The following ZFP1 variants were observed in gnomAD, a reference collection of about 807,000 sequenced individuals.
ZFP1 encodes the protein zinc finger protein 1 homolog.
A neutral mutation model predicts 38.5 loss-of-function variants in ZFP1; 32 were observed. That is an observed-to-expected ratio of 0.83 (90% CI 0.63 to 1.12). ZFP1 has a LOEUF of 1.12. Among genes scored for constraint, ZFP1 ranks in the 50% most tolerant of loss-of-function variants. The probability of loss-of-function intolerance (pLI) is 0.00; values close to 1 mark genes in which losing one functional copy is unlikely to be tolerated. For missense variants in ZFP1, 616 were observed against 480.8 expected (o/e 1.28, Z -2.63); for synonymous variants, 245 against 168.8 (o/e 1.45, Z -3.50).
At chr16:75,156,757 G>C (rs1245720945) in intron 2 of ZFP1, among the ~76,000 whole-genome samples, 1 of 152,198 alleles carries the variant, frequency 6.6e-6, no homozygotes, top group African/African-American at 2.4e-5. Flanking sequence ...CCACCACTCA[G>C]GAGTAGATTA....
At chr16:75,138,133 T>C in the ZFP1 span, among the ~76,000 whole-genome samples, 1 of 139,522 alleles carries the variant, frequency 7.2e-6, no homozygotes, top group African/African-American at 2.7e-5. Flanking sequence ...ACCTCCCGGG[T>C]TCAAGTGATT....
chr16:75,150,302 A>G (rs1333552705), intron 1 of ZFP1, among the ~76,000 whole-genome samples: 1 of 146,658 alleles, frequency 6.8e-6, no homozygotes, highest in African/African-American at 2.5e-5. Flanking sequence ...TCCGCCTACC[A>G]GGTTCACACC....
chr16:75,160,678 A>C (rs1279269761), intron 2 of ZFP1, among the ~76,000 whole-genome samples: 1 of 150,480 alleles, frequency 6.6e-6, no homozygotes, highest in African/African-American at 2.4e-5. Flanking sequence ...AAAAAAAAGG[A>C]AGAAATTTAT....
chr16:75,145,923 A>G (rs1186742291), upstream of ZFP1, among the ~76,000 whole-genome samples: 2 of 152,176 alleles, frequency 1.3e-5, no homozygotes, highest in African/African-American at 2.4e-5. Flanking sequence ...TTAGCTGTCC[A>G]TGGATGGCAA....
At chr16:75,130,119 C>T in the ZFP1 span, among the ~76,000 whole-genome samples, 4 of 152,016 alleles carry the variant, frequency 2.6e-5, no homozygotes, top group East Asian at 7.7e-4. Context: ...GCCTCAGCCT[C>T]TCCAGTAGCT....
Position 75,164,746 on chromosome 16 carries a change from A to G in ZFP1, c.16-2024A>G, listed in dbSNP as rs140332268. Among the ~76,000 whole-genome samples, 52 of 152,244 alleles carry G rather than the reference A, an allele frequency of 3.4e-4. No individual in the cohort carries two copies. In the East Asian group the frequency reaches 8.9e-3, roughly 26 times the overall value. ...GGTTGAGGGGGGGAATATCAAAAGA[A>G]TATTTTGTGCTGTGAAAATGATTTG... On this transcript the variant is annotated intron_variant, in intron 2 of 3. Transcript: ENST00000570010.
chr16:75,157,389 G>A (rs1291591528), intron 2 of ZFP1, among the ~76,000 whole-genome samples: 1 of 151,638 alleles, frequency 6.6e-6, no homozygotes, highest in African/African-American at 2.4e-5. Flanking sequence ...GATTACAGGT[G>A]TGTGCCACTA....
At chr16:75,129,018 G>A in the ZFP1 span, among the ~76,000 whole-genome samples, 4 of 152,240 alleles carry the variant, frequency 2.6e-5, no homozygotes, top group East Asian at 1.9e-4. Context: ...TCAAACTCCC[G>A]ACCTCAGGTG....
chr16:75,127,421 G>A, the ZFP1 span, among the ~76,000 whole-genome samples: 1 of 152,106 alleles, frequency 6.6e-6, no homozygotes, highest in Non-Finnish European at 1.5e-5. Flanking sequence ...GCATGAAGAG[G>A]GAAGCATGAG....
intron 2 of ZFP1, among the ~76,000 whole-genome samples, chr16:75,165,166 T>C (rs751152412): frequency 2.6e-5 from 4 of 152,078 alleles, no homozygotes; most frequent in Non-Finnish European, 4.4e-5. Flanking sequence ...TGCCTATGCC[T>C]GTTTTTGTGG....
Position 75,169,252 on chromosome 16 carries a change from G to A in ZFP1, c.143-1G>A, listed in dbSNP as rs376111231. ...CTTTTCATTGTGCTCTCTATTCCTA[G>A]AAGTGTGGAAGGCTGATGACCAGAT... On this transcript the variant is annotated splice_acceptor_variant, in intron 3 of 3. Transcript: ENST00000570010. LOFTEE classifies it high-confidence loss of function. 3.1e-6 allele frequency: 5 copies of A among 1,602,690 alleles called. No homozygotes were observed. The highest frequency in any genetic ancestry group is 4.2e-6 in the Non-Finnish European group (5 of 1,176,598).
upstream of ZFP1, among the ~76,000 whole-genome samples, chr16:75,147,485 C>T (rs1372314763): frequency 3.3e-5 from 5 of 149,626 alleles, no homozygotes; most frequent in African/African-American, 7.4e-5. Context: ...TGAGGTTTCA[C>T]CATTTTGGCC....
Position 75,169,838 on chromosome 16 carries a change from C to T in ZFP1, c.728C>T (p.Pro243Leu), listed in dbSNP as rs766288174. The change falls in exon 4 of 4, where the codon CCG (proline) becomes CTG (leucine). Residue 243 changes from proline (P) to leucine (L), a missense_variant. Pro to Leu is a moderately conservative substitution (Grantham distance 98, BLOSUM62 -3). Transcript: ENST00000570010. ...IHTGEKPFEC[P>L]ECGKAFTHQS... ...ACTGGGGAGAAACCTTTCGAGTGTCCGGAATGTGGAAAAGCTTTCACCCAC... is the reference window on the plus strand; with the variant it reads ...ACTGGGGAGAAACCTTTCGAGTGTCTGGAATGTGGAAAAGCTTTCACCCAC... 27 of 1,613,992 alleles carry T rather than the reference C, an allele frequency of 1.7e-5. No homozygotes were observed. Among genetic ancestry groups the T allele is most frequent in the African/African-American group, 1.3e-4 (10 of 74,982 alleles).
Position 75,169,296 on chromosome 16 carries a change from C to G in ZFP1, c.186C>G (p.Asn62Lys). Residue 62 changes from asparagine to lysine, a missense_variant, in exon 4 of 4, where the codon AAC becomes AAG. Asn to Lys is a moderately conservative substitution (Grantham distance 94, BLOSUM62 0). Transcript: ENST00000570010. ...ACCAGATGGAGAGAGACCACAGAAA[C>G]CCAGACGAGCAGGCGAGGCAATTTT... ...ADDQMERDHR[N>K]PDEQARQFLI... is the part of the protein sequence containing the mutation. The G allele has an allele frequency of 6.2e-7, 1 of 1,613,748 alleles. No homozygotes were observed. Among genetic ancestry groups the G allele is most frequent in the Non-Finnish European group, 8.5e-7 (1 of 1,179,912 alleles).
At chr16:75,154,936 T>C (rs2037398786) in intron 2 of ZFP1, among the ~76,000 whole-genome samples, 1 of 152,088 alleles carries the variant, frequency 6.6e-6, no homozygotes, top group Non-Finnish European at 1.5e-5. Context: ...TAGCTGGGAT[T>C]ACAGGTGCGC....
At chr16:75,142,781 C>A in the ZFP1 span, among the ~76,000 whole-genome samples, 3 of 152,140 alleles carry the variant, frequency 2.0e-5, no homozygotes, top group South Asian at 6.2e-4. Context: ...CAGCTCACTG[C>A]AACCTTGGCC....
chr16:75,131,987 G>C, the ZFP1 span, among the ~76,000 whole-genome samples: 2 of 151,594 alleles, frequency 1.3e-5, no homozygotes, highest in Non-Finnish European at 2.9e-5. Context: ...AAAAGAAAAT[G>C]TCTGTTTTAC....
At chr16:75,140,400 C>G in the ZFP1 span, among the ~76,000 whole-genome samples, 1 of 152,110 alleles carries the variant, frequency 6.6e-6, no homozygotes, top group Non-Finnish European at 1.5e-5. Flanking sequence ...GAGATCTTGT[C>G]TCTACAAAAA....
intron 2 of ZFP1, among the ~76,000 whole-genome samples, chr16:75,156,150 C>A (rs1056975012): frequency 6.6e-6 from 1 of 152,112 alleles, no homozygotes; most frequent in Non-Finnish European, 1.5e-5. Flanking sequence ...GCAGCTGTGT[C>A]TAGAAATTTG....
Sources: gnomAD v4.1 joint callset for allele counts (sites outside exome capture counted in the v4.1 genomes callset) on GRCh38, gnomAD v4.1.1 for gene constraint, MANE v1.5 for transcripts, NCBI Gene and HGNC (gene_info 2026-07-23, HGNC 2026-07-21) for gene names.